The following DPF1 variants were observed in gnomAD, a reference collection of about 807,000 sequenced individuals.
DPF1 encodes zinc finger protein neuro-d4.
A neutral mutation model predicts 58.7 loss-of-function variants in DPF1; 14 were observed. The observed-to-expected ratio is 0.24, with a 90% confidence interval of 0.16 to 0.37. The LOEUF (loss-of-function observed/expected upper bound fraction) is 0.37. DPF1 is among the 10% of genes least tolerant of loss of function. DPF1 has a pLI of 1.00. For missense variants in DPF1, 345 were observed against 529.9 expected (o/e 0.65, Z 3.43); for synonymous variants, 216 against 216.0 (o/e 1.00, Z 0.00).
chr19:38,218,947 G>A lies in DPF1; in HGVS notation c.410C>T (p.Thr137Ile), dbSNP rs1247350482. The change falls in exon 4 of 12, where the codon ACC becomes ATC. Residue 137 changes from threonine (T) to isoleucine (I), a missense_variant. Coordinates refer to ENST00000355526, the MANE Select transcript of DPF1 (RefSeq NM_001135155.3). Reference sequence around the variant, plus strand: ...TGGGCCCACCTGACAGTCCATAATGGTCTCCTCCTCCTTCAGCTCAATCTT... The same window carrying A: ...TGGGCCCACCTGACAGTCCATAATGATCTCCTCCTCCTTCAGCTCAATCTT... ...EKKIELKEEE[T>I]IMDCQKQQLL... 6.2e-7 allele frequency: 1 copy of A among 1,614,118 alleles called. No homozygotes were observed. Among genetic ancestry groups the A allele is most frequent in the Non-Finnish European group, 8.5e-7 (1 of 1,180,008 alleles).
chr19:38,227,444 T>C (rs1193322334), upstream of DPF1, among the ~76,000 whole-genome samples: 1 of 152,016 alleles, frequency 6.6e-6, no homozygotes, highest in Non-Finnish European at 1.5e-5. Flanking sequence ...TCTTTCCTTC[T>C]GCCCTAACCA....
At chr19:38,225,804 GGTT>G (rs1967792961), upstream of DPF1, among the ~76,000 whole-genome samples, 1 of 150,734 alleles carries the variant, frequency 6.6e-6, no homozygotes, top group Non-Finnish European at 1.5e-5. Flanking sequence ...CAGGAGGATT[GGTT>G]GAACCCAGGA....
At chr19:38,221,810 G>C (rs1036689280) in intron 3 of DPF1, among the ~76,000 whole-genome samples, 1 of 152,020 alleles carries the variant, frequency 6.6e-6, no homozygotes, top group Admixed American at 6.6e-5. Flanking sequence ...GGCCAGGCGC[G>C]GTGGCTCACA....
At chr19:38,218,821 AGC>A in intron 4 of DPF1, 108 bp downstream of exon 4, 5 of 1,565,820 alleles carry the variant, frequency 3.2e-6, no homozygotes, top group African/African-American at 1.3e-5. Flanking sequence ...GATGCCCAAC[AGC>A]CAGAAGAAAC....
intron 6 of DPF1, 37 bp from the exon 7 acceptor site, chr19:38,217,628 C>T: frequency 6.5e-7 from 1 of 1,531,358 alleles, no homozygotes; most frequent in Non-Finnish European, 8.8e-7. Context: ...CTGTCAGCCC[C>T]TCCGGGCCCC....
At chr19:38,221,065 C>T (rs1021072496) in intron 3 of DPF1, among the ~76,000 whole-genome samples, 2 of 152,160 alleles carry the variant, frequency 1.3e-5, no homozygotes, top group South Asian at 4.1e-4. Context: ...CAGACACACT[C>T]GGGAGGAGCC....
Position 38,211,780 on chromosome 19 carries a change from C to G in DPF1, c.*283G>C. 4.0e-6 allele frequency: 2 copies of G among 502,976 alleles called. No homozygotes were observed. The highest frequency in any genetic ancestry group is 2.9e-5 in the South Asian group (1 of 34,148). The allele number at this position is 502,976 out of a possible 1,614,324, so 31.2% of individuals were successfully genotyped here. ...TGCCCCTGGCTGGCACCCACCACCC[C>G]CCATGCCCGCCCAGAGGCGGGGTAT... On this transcript the variant is annotated 3_prime_UTR_variant, in exon 12 of 12. Transcript: ENST00000355526. The surrounding 1 kb of genome is among the most constrained non-coding windows in gnomAD (Gnocchi z 4.0).
upstream of DPF1, among the ~76,000 whole-genome samples, chr19:38,226,453 C>A (rs964906108): frequency 1.3e-5 from 2 of 150,206 alleles, no homozygotes; most frequent in African/African-American, 4.9e-5. Context: ...CACTTGAAAT[C>A]CCCCCAAGAG....
At position 38,216,224 on chromosome 19, in the gene DPF1, C is replaced by T. The variant is rs753766373; in HGVS notation, c.814G>A (p.Gly272Ser). The T allele has an allele frequency of 4.3e-6, 7 of 1,614,162 alleles. No homozygotes were observed. Among genetic ancestry groups the T allele is most frequent in the South Asian group, 1.1e-5 (1 of 91,086 alleles). Residue 272 changes from glycine (G) to serine (S), a missense_variant, in exon 9 of 12, where the codon GGC becomes AGC. Coordinates refer to ENST00000355526, the MANE Select transcript of DPF1 (RefSeq NM_001135155.3). ...KAPDGTVIPN[G>S]YCDFCLGGSK... ...CCCCCCAGGCAGAAGTCACAGTAGC[C>T]GTTGGGGATGACAGTGCCGTCGGGC... is the stretch of plus-strand genomic sequence containing the variant.
At chr19:38,216,858 T>G (rs1290883322) in intron 7 of DPF1, among the ~76,000 whole-genome samples, 1 of 152,176 alleles carries the variant, frequency 6.6e-6, no homozygotes, top group African/African-American at 2.4e-5. Flanking sequence ...CACTCCCAAC[T>G]GCACCCTCAG....
At chr19:38,218,838 G>C (rs1019528734) in intron 4 of DPF1, 93 bp downstream of exon 4, 6 of 1,574,684 alleles carry the variant, frequency 3.8e-6, no homozygotes, top group Non-Finnish European at 5.2e-6. Flanking sequence ...AGAAACCGGG[G>C]GGGTTTCAGA....
chr19:38,226,502 CTACACACA>C (rs1337934621), upstream of DPF1, among the ~76,000 whole-genome samples: 6 of 112,322 alleles, frequency 5.3e-5, no homozygotes, highest in African/African-American at 9.7e-5. Context: ...ACGGTCACTT[CTACACACA>C]CACACACACA....
upstream of DPF1, among the ~76,000 whole-genome samples, chr19:38,224,494 C>CG (rs1397964650): frequency 1.1e-4 from 17 of 152,268 alleles, no homozygotes; most frequent in East Asian, 3.1e-3. This position sits in a 1 kb window ranked among gnomAD's most constrained non-coding sequence, Gnocchi z 4.5. Context: ...CACATTCACG[C>CG]GGATACTCAC....
In DPF1 at chr19:38,211,940, G is replaced by GCCCCCTCTCGGCTT; in HGVS notation, c.*109_*122dup. The GCCCCCTCTCGGCTT allele has an allele frequency of 8.9e-7, 1 of 1,120,770 alleles. No homozygotes were observed. The highest frequency in any genetic ancestry group is 1.3e-6 in the Non-Finnish European group (1 of 777,798). 69.4% of individuals were successfully genotyped at this position (1,120,770 alleles called of 1,614,324 possible). On this transcript the variant is annotated 3_prime_UTR_variant, in exon 12 of 12. Transcript: ENST00000355526. The surrounding 1 kb of genome is among the most constrained non-coding windows in gnomAD (Gnocchi z 4.0). The stretch of plus-strand genomic sequence containing the variant: ...TGCACAGAGGGGAGGGGGTGGCCCA[G>GCCCCCTCTCGGCTT]CCCCCTCTCGGCTTCCCCCTCTCCC...
chr19:38,212,237 T>TGGGGGGGGGGGGGGCCCCCCCC, intron 11 of DPF1, 43 bp downstream of exon 11: 1 of 1,256,814 alleles, frequency 8.0e-7, no homozygotes, highest in Non-Finnish European at 1.1e-6. Flanking sequence ...GGAGATGGCG[T>TGGGGGGGGGGGGGGCCCCCCCC]TCCCACCCAC....
chr19:38,212,457 G>A, intron 10 of DPF1, 96 bp from the exon 11 acceptor site: 2 of 592,172 alleles, frequency 3.4e-6, no homozygotes, highest in Admixed American at 3.3e-5. Flanking sequence ...AGGGGGCTGG[G>A]GGAGGTGAGG....
intron 9 of DPF1, among the ~76,000 whole-genome samples, chr19:38,215,761 G>A (rs767637411): frequency 1.3e-5 from 2 of 152,032 alleles, no homozygotes; most frequent in Non-Finnish European, 1.5e-5. Flanking sequence ...TAGAGATGGG[G>A]GTCTTGCTAT....
Position 38,222,324 on chromosome 19 carries a change from G to A in DPF1, c.298+33C>T, listed in dbSNP as rs1417817899. 1 of 1,557,462 alleles carries A rather than the reference G, an allele frequency of 6.4e-7. No homozygotes were observed. The highest frequency in any genetic ancestry group is 8.7e-7 in the Non-Finnish European group (1 of 1,149,762). On this transcript the variant is annotated intron_variant, in intron 3 of 11. Coordinates refer to ENST00000355526, the MANE Select transcript of DPF1 (RefSeq NM_001135155.3). This position sits in a 1 kb window ranked among gnomAD's most constrained non-coding sequence, Gnocchi z 4.9. ...TGCTAGGACACACAGCAGGCGCTGG[G>A]ACACCGATGGGGGCCCCAGCGGCTG...
Position 38,211,682 on chromosome 19 carries a change from T to G in DPF1, c.*381A>C. ...GGCCTTGGAGGACTCTTTGTATATA[T>G]TAACTTCTTTTCTTTTCTTCTTTTT... On this transcript the variant is annotated 3_prime_UTR_variant, in exon 12 of 12. Transcript: ENST00000355526. This position sits in a 1 kb window ranked among gnomAD's most constrained non-coding sequence, Gnocchi z 4.0. 5.5e-6 allele frequency: 1 copy of G among 182,058 alleles called. No individual in the cohort carries two copies. The highest frequency in any genetic ancestry group is 2.4e-5 in the African/African-American group (1 of 42,284). The allele number at this position is 182,058 out of a possible 1,614,324, so 11.3% of individuals were successfully genotyped here. A position where few individuals can be genotyped will look rare whatever the true frequency, so the allele number is the denominator to read the frequency against.
Sources: gnomAD v4.1 joint callset for allele counts (sites outside exome capture counted in the v4.1 genomes callset) on GRCh38, gnomAD v4.1.1 for gene constraint, Gnocchi (gnomAD v3.1) non-coding constraint, MANE v1.5 for transcripts, NCBI Gene and HGNC (gene_info 2026-07-23, HGNC 2026-07-21) for gene names.